FAT1: variants seen among roughly 807,000 people sequenced by gnomAD.
The protein encoded by FAT1 is FAT atypical cadherin 1.
In FAT1, 171 loss-of-function variants were observed where a neutral mutation model predicts 329.8. That is an observed-to-expected ratio of 0.52 (90% confidence interval 0.46 to 0.59). FAT1 has a LOEUF of 0.59. Ranked by LOEUF, FAT1 falls within the 20% of genes least tolerant of loss-of-function variation. The pLI is 0.00. For missense variants in FAT1, 5,672 were observed against 5,774.4 expected, an observed-to-expected ratio of 0.98 and a Z score of 0.57; for synonymous variants, 2,233 against 2,228.6, an observed-to-expected ratio of 1.00 and a Z score of -0.06.
At chr4:186,712,379 G>GT (rs1745001950) in intron 1 of FAT1, among the ~76,000 whole-genome samples, 1 of 152,036 alleles carries the variant, frequency 6.6e-6, no homozygotes, top group Non-Finnish European at 1.5e-5. Flanking sequence ...TTTAGCATGA[G>GT]TATGTGTTGT....
chr4:186,645,366 CATATATATATATAT>C (rs70964973), intron 3 of FAT1, among the ~76,000 whole-genome samples: 1,479 of 35,226 alleles, frequency 0.042, 31 homozygotes, highest in Non-Finnish European at 0.047. Context: ...TACTTCATTA[CATATATATATATAT>C]ATATATATAT....
intron 2 of FAT1, among the ~76,000 whole-genome samples, chr4:186,683,085 C>G (rs780208706): frequency 6.6e-6 from 1 of 152,170 alleles, no homozygotes; most frequent in Non-Finnish European, 1.5e-5. Context: ...AGACCTTCCA[C>G]CATACAAGCT....
chr4:186,663,339 A>T lies in FAT1; in HGVS notation c.3540T>A (p.Ser1180Arg), dbSNP rs2126616717. The change falls in exon 3 of 27, where the codon AGT becomes AGA. Residue 1180 changes from serine to arginine, a missense_variant. Around this residue, in one of 2 missense-constraint regions of FAT1, gnomAD observed 3,966 missense variants for 3,915.2 expected, o/e 1.01. Transcript: ENST00000441802. Reference protein sequence around the residue: ...SNDKLMYKITSGNPQGFFSIH... With the variant: ...SNDKLMYKITRGNPQGFFSIH... ...TTGAAAAGAATCCTTGTGGATTTCC[A>T]CTTGTAATTTTGTACATGAGCTTGT... is the stretch of plus-strand genomic sequence containing the variant. The T allele has an allele frequency of 6.2e-7, 1 of 1,613,960 alleles. No individual in the cohort carries two copies. Among genetic ancestry groups the T allele is most frequent in the African/African-American group, 1.3e-5 (1 of 75,052 alleles).
In FAT1 at chr4:186,603,223, C is replaced by T. The variant is rs1186987794; in HGVS notation, c.11303G>A (p.Ser3768Asn). The T allele has an allele frequency of 6.2e-7, 1 of 1,613,804 alleles. No individual in the cohort carries two copies. The highest frequency in any genetic ancestry group is 8.5e-7 in the Non-Finnish European group (1 of 1,179,816). ...CCTGTGGTGGCGGGGAGTCACAAAACTCAGTCTGGCTGTGCTGTGTGTTGA... is the reference window on the plus strand; with the variant it reads ...CCTGTGGTGGCGGGGAGTCACAAAATTCAGTCTGGCTGTGCTGTGTGTTGA... ...VMSTHSTARLSFVTPRHHRAA... is the reference protein window; with the variant it reads ...VMSTHSTARLNFVTPRHHRAA... The change falls in exon 19 of 27, where the codon AGT becomes AAT. Residue 3768 changes from serine (S) to asparagine (N), a missense_variant. This residue lies in a region of FAT1 where 1,706 missense variants were observed against 1,859.1 expected (regional missense o/e 0.92). Coordinates refer to ENST00000441802, the MANE Select transcript of FAT1 (RefSeq NM_005245.4).
chr4:186,633,866 ACT>A, intron 6 of FAT1, 43 bp from the exon 7 acceptor site: 2 of 1,608,832 alleles, frequency 1.2e-6, no homozygotes, highest in South Asian at 2.2e-5. Context: ...ACAGGATAAC[ACT>A]CTGTAGTTTA....
At chr4:186,671,418 C>A (rs1742719775) in intron 2 of FAT1, among the ~76,000 whole-genome samples, 1 of 152,210 alleles carries the variant, frequency 6.6e-6, no homozygotes, top group East Asian at 1.9e-4. Flanking sequence ...AATAACTGGG[C>A]CGGGCATGGT....
At chr4:186,657,137 A>G (rs1741940468) in intron 3 of FAT1, among the ~76,000 whole-genome samples, 1 of 152,172 alleles carries the variant, frequency 6.6e-6, no homozygotes, top group Non-Finnish European at 1.5e-5. Context: ...CCCCTATGTG[A>G]TGTCCAAGAG....
intron 3 of FAT1, among the ~76,000 whole-genome samples, chr4:186,645,188 C>T (rs957906076): frequency 8.6e-5 from 13 of 151,636 alleles, no homozygotes; most frequent in African/African-American, 2.9e-4. Context: ...CAGCTGGCCA[C>T]CAGCCAAGCC....
chr4:186,618,181 G>C lies in FAT1; in HGVS notation c.8405C>G (p.Ala2802Gly), dbSNP rs1739815304. ...SVDVSIQVKD[A>G]NDNSPVFESS... is the part of the protein sequence containing the mutation. ...TTCAAAGACCGGGCTGTTGTCATTTGCATCTTTCACTTGGATACTAACATC... is the reference window on the plus strand; with the variant it reads ...TTCAAAGACCGGGCTGTTGTCATTTCCATCTTTCACTTGGATACTAACATC... Residue 2802 changes from alanine (A) to glycine (G), a missense_variant, in exon 10 of 27, where the codon GCA becomes GGA. Coordinates refer to ENST00000441802, the MANE Select transcript of FAT1 (RefSeq NM_005245.4). The C allele has an allele frequency of 1.9e-6, 3 of 1,613,978 alleles. No individual in the cohort carries two copies. The highest frequency in any genetic ancestry group is 1.1e-5 in the South Asian group (1 of 91,082).
chr4:186,711,783 G>T (rs773879038), intron 1 of FAT1, among the ~76,000 whole-genome samples: 1 of 152,274 alleles, frequency 6.6e-6, no homozygotes, highest in South Asian at 2.1e-4. Context: ...AGCAGGATAT[G>T]GTGGAGCAAG....
At chr4:186,722,001 G>A (rs922222742) in intron 1 of FAT1, among the ~76,000 whole-genome samples, 2 of 152,052 alleles carry the variant, frequency 1.3e-5, no homozygotes, top group African/African-American at 2.4e-5. Flanking sequence ...ACCACACTCC[G>A]CTAATTTTGT....
chr4:186,682,974 A>C (rs1743297164), intron 2 of FAT1, among the ~76,000 whole-genome samples: 1 of 152,194 alleles, frequency 6.6e-6, no homozygotes, highest in Non-Finnish European at 1.5e-5. Flanking sequence ...CTCCCGTGTA[A>C]GGGGCCCTGG....
intron 9 of FAT1, 128 bp from the exon 10 acceptor site, chr4:186,621,903 T>C: frequency 1.7e-6 from 1 of 605,170 alleles, no homozygotes; most frequent in Non-Finnish European, 2.7e-6. Flanking sequence ...TCAGGGGATG[T>C]CAATATTTGA....
chr4:186,677,905 T>A (rs936200440), intron 2 of FAT1, among the ~76,000 whole-genome samples: 3 of 152,078 alleles, frequency 2.0e-5, no homozygotes, highest in African/African-American at 7.2e-5. Flanking sequence ...CTGTCATGTA[T>A]CTACATTACT....
At chr4:186,604,312 G>A (rs1278502515) in intron 18 of FAT1, 65 bp downstream of exon 18, 1 of 1,343,778 alleles carries the variant, frequency 7.4e-7, no homozygotes. Flanking sequence ...ATAGAAGAGG[G>A]GAACCACGCC....
chr4:186,702,810 G>C (rs1359266818), intron 2 of FAT1, among the ~76,000 whole-genome samples: 1 of 152,198 alleles, frequency 6.6e-6, no homozygotes, highest in Non-Finnish European at 1.5e-5. Flanking sequence ...AAGCAACAGA[G>C]AATGGATCTG....
intron 23 of FAT1, 83 bp from the exon 24 acceptor site, chr4:186,597,875 A>G: frequency 1.3e-6 from 2 of 1,556,102 alleles, no homozygotes; most frequent in Non-Finnish European, 1.8e-6. Flanking sequence ...AACAGAACAC[A>G]TTAGCAAATT....
chr4:186,661,130 G>A (rs1275767805), intron 3 of FAT1, among the ~76,000 whole-genome samples: 1 of 152,224 alleles, frequency 6.6e-6, no homozygotes, highest in Non-Finnish European at 1.5e-5. Context: ...GTTGTGGGGA[G>A]GGGTACATAT....
chr4:186,615,652 A>C (rs988009091), intron 11 of FAT1, among the ~76,000 whole-genome samples: 3 of 151,624 alleles, frequency 2.0e-5, no homozygotes, highest in Non-Finnish European at 4.4e-5. Context: ...TCCCAGCTCC[A>C]CTCGCCACCC....
Sources: allele counts gnomAD v4.1 joint callset (sites outside exome capture counted in the v4.1 genomes callset), GRCh38; gene constraint gnomAD v4.1.1; regional missense constraint gnomAD v4.1.1; transcripts MANE v1.5; gene names NCBI Gene and HGNC (gene_info 2026-07-23, HGNC 2026-07-21).